FOCAD: variants seen among roughly 807,000 people sequenced by gnomAD.
The protein encoded by FOCAD is KIAA1797.
FOCAD carries 198 observed loss-of-function variants against 225.6 expected under a neutral mutation model. The ratio of observed to expected loss-of-function variants is 0.88; its 90% CI spans 0.78 to 0.99. The LOEUF is 0.99. Ranked by LOEUF, FOCAD falls within the 50% of genes least tolerant of loss-of-function variation. The pLI is 0.00. For missense variants in FOCAD, 2,713 were observed against 2,123.6 expected (o/e 1.28, Z -5.46); for synonymous variants, 897 against 755.0 (o/e 1.19, Z -3.08).
At chr9:20,800,481 A>G (rs1472035466) in intron 11 of FOCAD, among the ~76,000 whole-genome samples, 1 of 152,142 alleles carries the variant, frequency 6.6e-6, no homozygotes, top group Non-Finnish European at 1.5e-5. Context: ...ACTTTCAGGT[A>G]CACCAATCAG....
intron 5 of FOCAD, among the ~76,000 whole-genome samples, chr9:20,756,242 G>C (rs554878954): frequency 1.3e-5 from 2 of 152,222 alleles, no homozygotes; most frequent in Admixed American, 1.3e-4. Flanking sequence ...CTGTGCTTTA[G>C]CAAGCAGGAG....
intron 21 of FOCAD, among the ~76,000 whole-genome samples, chr9:20,900,665 T>C (rs1274129105): frequency 6.6e-6 from 1 of 151,924 alleles, no homozygotes; most frequent in Non-Finnish European, 1.5e-5. Flanking sequence ...GGAGAAGTGG[T>C]ATCTGTGCTT....
chr9:20,723,643 A>G (rs1440452366), intron 4 of FOCAD, among the ~76,000 whole-genome samples: 1 of 152,258 alleles, frequency 6.6e-6, no homozygotes, highest in African/African-American at 2.4e-5. Flanking sequence ...TATGTAATAT[A>G]TAATAGAAAA....
At chr9:20,772,320 T>G (rs1228816362) in intron 8 of FOCAD, among the ~76,000 whole-genome samples, 1 of 152,184 alleles carries the variant, frequency 6.6e-6, no homozygotes. Flanking sequence ...AAATTTAGGC[T>G]AGAAGTCTAG....
At chr9:20,993,081 C>G (rs1841803697) in intron 42 of FOCAD, among the ~76,000 whole-genome samples, 172 bp from the exon 43 acceptor site, 1 of 152,008 alleles carries the variant, frequency 6.6e-6, no homozygotes, top group African/African-American at 2.4e-5. Flanking sequence ...TATGCTTGGT[C>G]CCTGTCTCAT....
chr9:20,924,261 T>G (rs1564158920), intron 25 of FOCAD, among the ~76,000 whole-genome samples: 1 of 152,244 alleles, frequency 6.6e-6, no homozygotes, highest in East Asian at 1.9e-4. Flanking sequence ...AATTCATATC[T>G]GTCTAAATAA....
chr9:20,778,038 G>C (rs943118093), intron 8 of FOCAD, among the ~76,000 whole-genome samples: 2 of 137,482 alleles, frequency 1.5e-5, no homozygotes, highest in Non-Finnish European at 1.5e-5. Context: ...TGCAGTGAGC[G>C]GAGATCGTGC....
Position 20,715,089 on chromosome 9 carries a change from C to G in FOCAD, c.-32-233C>G, listed in dbSNP as rs192239790. On this transcript the variant is annotated intron_variant, in intron 1 of 43. Coordinates refer to ENST00000338382, the MANE Select transcript of FOCAD (RefSeq NM_001375567.1). ...AAATTCATCTTTTTCAGGATTAGCT[C>G]TCATGGGAAAAACCAAGAGCTGTTG... Among the ~76,000 whole-genome samples the G allele has an allele frequency of 3.5e-3, 531 of 152,118 alleles. 3 individuals are homozygous for G. Among genetic ancestry groups the G allele is most frequent in the African/African-American group, 0.012 (504 of 41,482 alleles).
At chr9:20,966,932 C>A (rs978143662) in intron 35 of FOCAD, among the ~76,000 whole-genome samples, 4 of 152,062 alleles carry the variant, frequency 2.6e-5, no homozygotes, top group Admixed American at 2.6e-4. Context: ...ATTACTATAG[C>A]TGTATAGTAA....
Position 20,981,339 on chromosome 9 carries a change from C to G in FOCAD, c.4378-87C>G. ...TGAACCTTTTATCTCTCAGTCTACC[C>G]TCAAACACAGTGATGATGTACAGGT... is the stretch of plus-strand genomic sequence containing the variant. On this transcript the variant is annotated intron_variant, in intron 37 of 43. Coordinates refer to ENST00000338382, the MANE Select transcript of FOCAD (RefSeq NM_001375567.1). 5 of 1,455,430 alleles carry G rather than the reference C, an allele frequency of 3.4e-6. No homozygotes were observed. In the South Asian group the frequency reaches 6.4e-5, roughly 19 times the overall value. 90.2% of individuals were successfully genotyped at this position (1,455,430 alleles called of 1,614,324 possible).
chr9:20,672,191 G>C lies in FOCAD; in HGVS notation c.-78+13365G>C, dbSNP rs1021848359. 5.9e-5 allele frequency among the ~76,000 whole-genome samples: 9 copies of C among 152,312 alleles called. No homozygotes were observed. The East Asian group carries it at 1.2e-3, about 20-fold the overall frequency. On this transcript the variant is annotated intron_variant, in intron 2 of 45. Transcript: ENST00000380249. Reference sequence around the variant, plus strand: ...CCAAAGGTCCTGCTGGCATATTGCAGTTTTTAAAATTCAACTACAAGTGCA... The same window carrying C: ...CCAAAGGTCCTGCTGGCATATTGCACTTTTTAAAATTCAACTACAAGTGCA...
chr9:20,913,020 T>C (rs1389928251), intron 23 of FOCAD, 66 bp downstream of exon 23: 14 of 1,312,900 alleles, frequency 1.1e-5, no homozygotes, highest in Non-Finnish European at 1.2e-5. Flanking sequence ...GAAAGGTAAC[T>C]ACTTTAAAGG....
chr9:20,711,182 G>C (rs1824817058), intron 1 of FOCAD, among the ~76,000 whole-genome samples: 1 of 152,230 alleles, frequency 6.6e-6, no homozygotes, highest in African/African-American at 2.4e-5. Context: ...GCTATGAAAG[G>C]AGTTTAATAT....
intron 12 of FOCAD, 67 bp downstream of exon 12, chr9:20,819,967 G>T: frequency 2.0e-6 from 2 of 994,960 alleles, no homozygotes; most frequent in Non-Finnish European, 2.9e-6. Flanking sequence ...AATTCTTTTT[G>T]GTATTATGAA....
chr9:20,762,297 G>A (rs960102600), intron 6 of FOCAD, among the ~76,000 whole-genome samples: 25 of 152,100 alleles, frequency 1.6e-4, no homozygotes, highest in East Asian at 9.7e-4. Context: ...TTTAGTTTCC[G>A]AAAGTAGAAG....
Position 20,866,917 on chromosome 9 carries a change from T to TTTTTTTTTTTTTTTTAAAAAAA in FOCAD, c.2107-12_2107-11insTTTTTTTTTTTTTTTAAAAAAA. ...TTTTTTTTTTTTTTTTTTTTTTTTT[T>TTTTTTTTTTTTTTTTAAAAAAA]ACCCTATCTAGGACCCAATTGTAGC... On this transcript the variant is annotated splice_polypyrimidine_tract_variant and intron_variant, in intron 17 of 43. Transcript: ENST00000338382. 2 of 764,970 alleles carry TTTTTTTTTTTTTTTTAAAAAAA rather than the reference T, an allele frequency of 2.6e-6. No homozygotes were observed. Among genetic ancestry groups the TTTTTTTTTTTTTTTTAAAAAAA allele is most frequent in the Non-Finnish European group, 4.0e-6 (2 of 498,468 alleles). 47.4% of individuals were successfully genotyped at this position (764,970 alleles called of 1,614,324 possible). A position where few individuals can be genotyped will look rare whatever the true frequency, so the allele number is the denominator to read the frequency against.
At chr9:20,804,001 T>C (rs1050969265) in intron 11 of FOCAD, among the ~76,000 whole-genome samples, 1 of 151,998 alleles carries the variant, frequency 6.6e-6, no homozygotes. Flanking sequence ...GAGTAAGACA[T>C]GTGGAGATAA....
chr9:20,976,927 A>G (rs1226208088), intron 36 of FOCAD, among the ~76,000 whole-genome samples: 2 of 152,208 alleles, frequency 1.3e-5, no homozygotes, highest in Non-Finnish European at 2.9e-5. Context: ...GTAACAAATT[A>G]CCACAGTGGC....
At chr9:20,943,685 A>T (rs976215603) in intron 28 of FOCAD, among the ~76,000 whole-genome samples, 16 of 152,196 alleles carry the variant, frequency 1.1e-4, no homozygotes, top group Non-Finnish European at 1.5e-4. Context: ...GGGCATTGAG[A>T]TACATTATTG....
Sources: allele counts gnomAD v4.1 joint callset (sites outside exome capture counted in the v4.1 genomes callset), GRCh38; gene constraint gnomAD v4.1.1; transcripts MANE v1.5; gene names NCBI Gene and HGNC (gene_info 2026-07-23, HGNC 2026-07-21).